SNRNP40: variants seen among roughly 807,000 people sequenced by gnomAD.
The protein encoded by SNRNP40 is U5 small nuclear ribonucleoprotein 40 kDa protein.
SNRNP40 carries 21 observed loss-of-function variants against 45.8 expected under a neutral mutation model. That is an observed-to-expected ratio of 0.46 (90% CI 0.32 to 0.66). SNRNP40 has a LOEUF of 0.66. Ranked by LOEUF, SNRNP40 falls within the 30% of genes least tolerant of loss-of-function variation. The pLI, the probability that SNRNP40 is intolerant of heterozygous loss-of-function variation, is 0.03. For missense variants in SNRNP40, 344 were observed against 439.1 expected (o/e 0.78, Z 1.94); for synonymous variants, 142 against 163.8 (o/e 0.87, Z 1.01).
intron 8 of SNRNP40, chr1:31,263,652 A>G: frequency 6.6e-6 from 3 of 456,390 alleles, no homozygotes; most frequent in Non-Finnish European, 1.3e-5. Flanking sequence ...ACTGTGTCCC[A>G]AAGTAGTACT....
At chr1:31,269,022 C>T in intron 7 of SNRNP40, 136 bp downstream of exon 7, 1 of 786,640 alleles carries the variant, frequency 1.3e-6, no homozygotes, top group Non-Finnish European at 1.9e-6. Context: ...TTTTTGGCAA[C>T]AAGTTTTAAT....
intron 4 of SNRNP40, among the ~76,000 whole-genome samples, chr1:31,282,652 GTGTCTATC>G (rs1210265617): frequency 3.3e-5 from 5 of 150,112 alleles, no homozygotes; most frequent in African/African-American, 1.2e-4. Context: ...ATGTATCTAT[GTGTCTATC>G]TATCTATCTA....
intron 4 of SNRNP40, chr1:31,282,183 AG>A (rs896626765): frequency 2.2e-4 from 33 of 152,216 alleles, no homozygotes; most frequent in African/African-American, 7.9e-4. Context: ...GAGGAAGCAA[AG>A]GGGGCCTATT....
intron 5 of SNRNP40, 35 bp downstream of exon 5, chr1:31,281,339 A>G (rs147607185): frequency 2.0e-6 from 3 of 1,531,574 alleles, no homozygotes; most frequent in Non-Finnish European, 2.7e-6. Context: ...GTGCAGATAG[A>G]TGAAATGGAA....
At chr1:31,285,472 C>T (rs1646051203) in intron 4 of SNRNP40, among the ~76,000 whole-genome samples, 1 of 152,126 alleles carries the variant, frequency 6.6e-6, no homozygotes, top group African/African-American at 2.4e-5. Flanking sequence ...CTCCCGACCT[C>T]AAGTGATCCA....
At chr1:31,282,554 C>T (rs1232206152) in intron 4 of SNRNP40, 1 of 138,876 alleles carries the variant, frequency 7.2e-6, no homozygotes, top group Non-Finnish European at 1.6e-5. Flanking sequence ...CCTCTGTCGC[C>T]TAGGCTATCT....
intron 5 of SNRNP40, among the ~76,000 whole-genome samples, chr1:31,280,081 T>C (rs1569656394): frequency 1.8e-5 from 2 of 111,040 alleles, no homozygotes; most frequent in African/African-American, 3.5e-5. Context: ...ACCACTGCAC[T>C]CCAGCCTGGG....
At chr1:31,277,338 C>G (rs1557676654) in intron 5 of SNRNP40, among the ~76,000 whole-genome samples, 2 of 152,206 alleles carry the variant, frequency 1.3e-5, no homozygotes, top group Admixed American at 1.3e-4. Context: ...AGTGACTTAT[C>G]TATTTTTATA....
At chr1:31,264,290 T>TC (rs1356971776) in intron 8 of SNRNP40, among the ~76,000 whole-genome samples, 2 of 152,222 alleles carry the variant, frequency 1.3e-5, no homozygotes, top group Admixed American at 6.5e-5. Flanking sequence ...AAGCAGGAAC[T>TC]CCATCTGTCT....
Position 31,296,746 on chromosome 1 carries a change from T to C in SNRNP40, c.6A>G (p.Ile2Met), listed in dbSNP as rs752065912. The change falls in exon 1 of 10, where the codon ATA (isoleucine) becomes ATG (methionine). Residue 2 changes from isoleucine (I) to methionine (M), a missense_variant. Physicochemically the swap from Ile to Met is conservative, Grantham distance 10 (BLOSUM62 1). Transcript: ENST00000263694. ...CTGGGCCCTTACGCTTCTGCTGTTC[T>C]ATCATGGCGGCAACCGGTCTCTTCA... M[I>M]EQQKRKGPEL... The C allele has an allele frequency of 1.6e-5, 25 of 1,601,276 alleles. No individual in the cohort carries two copies. The highest frequency in any genetic ancestry group is 2.0e-5 in the Non-Finnish European group (24 of 1,174,338).
intron 2 of SNRNP40, chr1:31,292,986 C>G: frequency 1.9e-6 from 1 of 517,572 alleles, no homozygotes. Flanking sequence ...ATTCTCAAAC[C>G]AGAACAACTC....
intron 7 of SNRNP40, among the ~76,000 whole-genome samples, chr1:31,268,313 C>T (rs1388824248): frequency 2.0e-5 from 3 of 148,870 alleles, no homozygotes; most frequent in Admixed American, 6.7e-5. Flanking sequence ...GACAGGGTCT[C>T]GCTCTCTTGT....
In SNRNP40 at chr1:31,290,051, A is replaced by T. The variant is rs116110443; in HGVS notation, c.366-632T>A. On this transcript the variant is annotated intron_variant, in intron 3 of 9. Coordinates refer to ENST00000263694, the MANE Select transcript of SNRNP40 (RefSeq NM_004814.3). ...ATTTTTAAAAATCATTTGTAGAGGC[A>T]AGGTCTCACTATGTTGCCCAGGCTG... Among the ~76,000 whole-genome samples, 567 of 152,224 alleles carry T rather than the reference A, an allele frequency of 3.7e-3. 3 individuals carry two copies. Among genetic ancestry groups the T allele is most frequent in the Non-Finnish European group, 6.1e-3 (415 of 68,018 alleles).
At chr1:31,294,279 C>T (rs1044338584) in intron 1 of SNRNP40, among the ~76,000 whole-genome samples, 3 of 151,968 alleles carry the variant, frequency 2.0e-5, no homozygotes, top group African/African-American at 7.2e-5. Context: ...CTTATTTTTT[C>T]ATAGCAAACG....
intron 6 of SNRNP40, 138 bp downstream of exon 6, chr1:31,271,241 G>A: frequency 1.2e-6 from 1 of 812,834 alleles, no homozygotes; most frequent in Non-Finnish European, 1.9e-6. Context: ...ACAGAGATCT[G>A]AGACTACAGT....
intron 2 of SNRNP40, 123 bp from the exon 3 acceptor site, chr1:31,292,129 G>A (rs915114066): frequency 3.9e-5 from 21 of 534,518 alleles, no homozygotes; most frequent in African/African-American, 3.2e-4. Flanking sequence ...TTGGGAGGCC[G>A]AGACGGGTGG....
chr1:31,291,745 C>A (rs1187208616), intron 3 of SNRNP40, among the ~76,000 whole-genome samples, 168 bp downstream of exon 3: 1 of 152,174 alleles, frequency 6.6e-6, no homozygotes, highest in Non-Finnish European at 1.5e-5. Flanking sequence ...TATTTGCATA[C>A]ACAGACTATA....
chr1:31,262,593 A>C (rs1023473108), intron 8 of SNRNP40, among the ~76,000 whole-genome samples: 5 of 151,784 alleles, frequency 3.3e-5, no homozygotes, highest in African/African-American at 1.2e-4. Flanking sequence ...TTTAGAGATA[A>C]GAAAACTGGG....
At chr1:31,287,467 C>G (rs1411702156) in intron 4 of SNRNP40, among the ~76,000 whole-genome samples, 1 of 152,096 alleles carries the variant, frequency 6.6e-6, no homozygotes, top group Non-Finnish European at 1.5e-5. Context: ...CTAAATAGTT[C>G]CTAGATATTT....
Sources: gnomAD v4.1 joint callset for allele counts (sites outside exome capture counted in the v4.1 genomes callset) on GRCh38, gnomAD v4.1.1 for gene constraint, MANE v1.5 for transcripts, NCBI Gene and HGNC (gene_info 2026-07-23, HGNC 2026-07-21) for gene names.